TEX9: variants seen among roughly 807,000 people sequenced by gnomAD.
TEX9 encodes testis-expressed protein 9.
TEX9 carries 74 observed loss-of-function variants against 59.6 expected under a neutral mutation model. The observed-to-expected ratio is 1.24, with a 90% confidence interval of 1.03 to 1.51. TEX9 has a LOEUF of 1.51. TEX9 is among the 40% of genes most tolerant of loss of function. The pLI, the probability that TEX9 is intolerant of heterozygous loss-of-function variation, is 0.00. For synonymous variants in TEX9, 186 were observed against 152.2 expected (o/e 1.22, Z -1.64); for missense variants, 522 against 447.8 (o/e 1.17, Z -1.49).
At chr15:56,306,754 T>A (rs1235502769) in intron 1 of TEX9, among the ~76,000 whole-genome samples, 1 of 152,184 alleles carries the variant, frequency 6.6e-6, no homozygotes, top group Non-Finnish European at 1.5e-5. Flanking sequence ...AGACTATAAT[T>A]GGAATGTTTG....
At chr15:56,410,019 G>A (rs538362353) in intron 9 of TEX9, 1 of 152,174 alleles carries the variant, frequency 6.6e-6, no homozygotes, top group Admixed American at 6.5e-5. Context: ...GAGGAACTTT[G>A]GTTAATTTGT....
chr15:56,436,818 T>G (rs1055932653), intron 12 of TEX9, among the ~76,000 whole-genome samples: 1 of 152,096 alleles, frequency 6.6e-6, no homozygotes, highest in Non-Finnish European at 1.5e-5. Flanking sequence ...GAGAATACTA[T>G]AAACACCTCT....
In TEX9 at chr15:56,384,146, A is replaced by G. The variant is rs1178387286; in HGVS notation, c.263+115A>G. ...ATCTATAATTTGAAGAATAATGTAT[A>G]TATAGGGGGCTTATACCAATCAGAC... On this transcript the variant is annotated intron_variant, in intron 4 of 12. Transcript: ENST00000352903. 7 of 758,244 alleles carry G rather than the reference A, an allele frequency of 9.2e-6. No homozygotes were observed. The African/African-American group carries it at 1.1e-4, about 11-fold the overall frequency. The allele number at this position is 758,244 out of a possible 1,614,324, so 47.0% of individuals were successfully genotyped here. A position where few individuals can be genotyped will look rare whatever the true frequency, so the allele number is the denominator to read the frequency against.
intron 1 of TEX9, among the ~76,000 whole-genome samples, chr15:56,285,854 G>A (rs1167338163): frequency 3.3e-5 from 5 of 152,102 alleles, no homozygotes; most frequent in African/African-American, 1.2e-4. Flanking sequence ...AAATGACAAG[G>A]TAGTACGTGA....
intron 12 of TEX9, chr15:56,429,268 A>G (rs2050486233): frequency 4.3e-6 from 4 of 924,076 alleles, no homozygotes; most frequent in Non-Finnish European, 6.7e-6. Context: ...ACTGACAGAC[A>G]TAAGATTAGT....
At chr15:56,269,376 T>C (rs1236794289) in intron 1 of TEX9, among the ~76,000 whole-genome samples, 3 of 152,166 alleles carry the variant, frequency 2.0e-5, no homozygotes, top group African/African-American at 7.2e-5. Flanking sequence ...TTTGAATGTG[T>C]TTGCTCTTGC....
intron 12 of TEX9, among the ~76,000 whole-genome samples, chr15:56,441,942 C>G (rs2050821827): frequency 6.6e-6 from 1 of 151,972 alleles, no homozygotes; most frequent in African/African-American, 2.4e-5. Context: ...ATGGCGTGAA[C>G]CCGGGAGGCA....
intron 1 of TEX9, among the ~76,000 whole-genome samples, chr15:56,335,351 A>G (rs537977915): frequency 1.0e-3 from 158 of 152,296 alleles, no homozygotes; most frequent in Non-Finnish European, 1.9e-3. Context: ...TGCAACAACA[A>G]AATGGATGGA....
intron 1 of TEX9, among the ~76,000 whole-genome samples, chr15:56,276,973 T>C (rs1487068533): frequency 1.3e-5 from 2 of 152,130 alleles, no homozygotes; most frequent in Admixed American, 1.3e-4. Context: ...CTTTTGAGAA[T>C]TGTCTGCTCA....
chr15:56,319,926 C>A (rs1170393498), intron 1 of TEX9, among the ~76,000 whole-genome samples: 2 of 152,176 alleles, frequency 1.3e-5, no homozygotes, highest in Non-Finnish European at 2.9e-5. Context: ...CATGTCAAAA[C>A]ATGGTATATG....
At chr15:56,263,238 G>T (rs945572114) in intron 1 of TEX9, among the ~76,000 whole-genome samples, 1 of 152,158 alleles carries the variant, frequency 6.6e-6, no homozygotes, top group African/African-American at 2.4e-5. Context: ...GGTCAGGCTG[G>T]TCTCGAACTG....
At chr15:56,436,402 A>C (rs1221158214) in intron 12 of TEX9, among the ~76,000 whole-genome samples, 1 of 152,174 alleles carries the variant, frequency 6.6e-6, no homozygotes, top group Admixed American at 6.5e-5. Context: ...TGTTCTTTGA[A>C]ACCAATGAGA....
At chr15:56,431,288 AC>A (rs2050587608) in intron 12 of TEX9, 16 of 1,518,136 alleles carry the variant, frequency 1.1e-5, no homozygotes, top group Non-Finnish European at 1.3e-5. Flanking sequence ...AGTGAGCAAA[AC>A]CAAGGCACTC....
intron 10 of TEX9, among the ~76,000 whole-genome samples, chr15:56,414,489 C>T (rs12443042): frequency 0.13 from 19,769 of 151,650 alleles, 1,856 homozygotes; most frequent in East Asian, 0.38. Context: ...TGAAAACAAG[C>T]GGTATTCGGT....
chr15:56,365,209 C>A (rs760984867), upstream of TEX9, among the ~76,000 whole-genome samples: 1 of 152,170 alleles, frequency 6.6e-6, no homozygotes, highest in Non-Finnish European at 1.5e-5. Flanking sequence ...CTTTCAACCC[C>A]CACAAGTTGA....
chr15:56,333,170 G>A (rs2046190307), intron 1 of TEX9, among the ~76,000 whole-genome samples: 1 of 151,984 alleles, frequency 6.6e-6, no homozygotes, highest in Non-Finnish European at 1.5e-5. Flanking sequence ...ATTCTATGAG[G>A]ACAGTGTTAC....
chr15:56,352,971 A>G (rs532319156), intron 1 of TEX9, among the ~76,000 whole-genome samples: 3 of 152,258 alleles, frequency 2.0e-5, no homozygotes, highest in African/African-American at 7.2e-5. Context: ...GCATTGTCTA[A>G]ACTGTCTTTC....
intron 1 of TEX9, among the ~76,000 whole-genome samples, chr15:56,306,971 A>C (rs1347046932): frequency 6.6e-6 from 1 of 152,214 alleles, no homozygotes; most frequent in Non-Finnish European, 1.5e-5. Flanking sequence ...TGCCCAATAA[A>C]TTTCAACAGT....
chr15:56,372,396 A>C (rs1419345625), intron 2 of TEX9, among the ~76,000 whole-genome samples: 1 of 152,126 alleles, frequency 6.6e-6, no homozygotes, highest in South Asian at 2.1e-4. Context: ...CAAGATATCT[A>C]ATTTTTAAAA....
Sources: gnomAD v4.1 joint callset for allele counts (sites outside exome capture counted in the v4.1 genomes callset) on GRCh38, gnomAD v4.1.1 for gene constraint, MANE v1.5 for transcripts, NCBI Gene and HGNC (gene_info 2026-07-23, HGNC 2026-07-21) for gene names.